Variants in FRMPD4 observed in about 807,000 individuals in gnomAD.
FRMPD4 encodes FERM and PDZ domain containing 4.
Under a neutral mutation model 94.1 loss-of-function variants are expected in FRMPD4, and 22 were observed. The observed-to-expected ratio is 0.23, with a 90% CI of 0.17 to 0.33. FRMPD4 has a LOEUF of 0.33. Among genes scored for constraint, FRMPD4 ranks in the 10% least tolerant of loss-of-function variants. The probability of loss-of-function intolerance (pLI) is 1.00; values close to 1 mark genes in which losing one functional copy is unlikely to be tolerated. For missense variants in FRMPD4, 1,111 were observed against 1,339.9 expected (o/e 0.83, Z 2.67); for synonymous variants, 631 against 548.6 (o/e 1.15, Z -2.10).
At chrX:12,342,326 A>G (rs1454783188) in intron 1 of FRMPD4, among the ~76,000 whole-genome samples, 1 of 112,251 alleles carries the variant, frequency 8.9e-6, no homozygotes, top group African/African-American at 3.2e-5. Context: ...AGCTCTGTAC[A>G]CATAGTGTAC....
intron 16 of FRMPD4, among the ~76,000 whole-genome samples, chrX:12,720,082 GAGAA>G (rs1389811965): frequency 7.4e-5 from 7 of 95,033 alleles, no homozygotes; most frequent in Non-Finnish European, 1.3e-4. Flanking sequence ...AAGAAAGAAA[GAGAA>G]AGAAAGAAAG....
At chrX:12,445,522 C>T (rs2057184722) in intron 1 of FRMPD4, among the ~76,000 whole-genome samples, 1 of 112,719 alleles carries the variant, frequency 8.9e-6, no homozygotes, top group Admixed American at 9.4e-5. Context: ...ATAAGACACT[C>T]TTCTAGCACC....
At chrX:12,620,707 A>G (rs2059280098) in intron 4 of FRMPD4, among the ~76,000 whole-genome samples, 1 of 112,409 alleles carries the variant, frequency 8.9e-6, no homozygotes, top group Non-Finnish European at 1.9e-5. Flanking sequence ...GCTCTACTGT[A>G]ATTGCAGAGG....
chrX:12,529,786 G>A (rs920810582), intron 2 of FRMPD4, among the ~76,000 whole-genome samples: 1 of 110,419 alleles, frequency 9.1e-6, no homozygotes, highest in African/African-American at 3.3e-5. Flanking sequence ...CAAACTTAAT[G>A]TGTTCTAGTC....
intron 3 of FRMPD4, among the ~76,000 whole-genome samples, chrX:12,082,784 C>T (rs111301640): frequency 0.079 from 8,795 of 111,275 alleles, 637 homozygotes; most frequent in African/African-American, 0.23. Flanking sequence ...ATGACTCTTG[C>T]TATGTTTTAG....
At chrX:12,258,927 A>G (rs1339987298) in intron 1 of FRMPD4, among the ~76,000 whole-genome samples, 1 of 111,360 alleles carries the variant, frequency 9.0e-6, no homozygotes, top group Non-Finnish European at 1.9e-5. Context: ...ATCTAAGTGT[A>G]TTTTTATACC....
rs777963035 is a variant in FRMPD4, at chrX:11,926,260, A to C, written c.95+48242A>C. On this transcript the variant is annotated intron_variant, in intron 3 of 18. Transcript: ENST00000640291. ...GTAATAATAAAAAGCTTACCAACCA[A>C]AAAAAAAAAAAAAAAAAAAAAAGCC... Among the ~76,000 whole-genome samples, 57 of 80,371 alleles carry C rather than the reference A, an allele frequency of 7.1e-4. 1 individual carries two copies. The highest frequency in any genetic ancestry group is 2.2e-3 in the African/African-American group (56 of 25,048). The allele number at this position is 80,371 out of a possible 115,157, so 69.8% of individuals were successfully genotyped here. A position where few individuals can be genotyped will look rare whatever the true frequency, so the allele number is the denominator to read the frequency against.
At chrX:12,481,409 C>G (rs1480625274) in intron 1 of FRMPD4, among the ~76,000 whole-genome samples, 1 of 111,161 alleles carries the variant, frequency 9.0e-6, no homozygotes, top group Non-Finnish European at 1.9e-5. Context: ...AACATGTAAG[C>G]AAATACTTTT....
At chrX:12,644,430 C>G (rs892518107) in intron 4 of FRMPD4, among the ~76,000 whole-genome samples, 8 of 111,641 alleles carry the variant, frequency 7.2e-5, no homozygotes, top group African/African-American at 2.6e-4. Flanking sequence ...GCTCTTGTCA[C>G]CGTAGCATTC....
rs1189999425 is a variant in FRMPD4, at chrX:12,331,876, A to G, written c.42-166804A>G. ...TATAAATTATATATATTTATATACT[A>G]TATATAAATTATATATATTTATATA... is the stretch of plus-strand genomic sequence containing the variant. On this transcript the variant is annotated intron_variant, in intron 1 of 16. Transcript: ENST00000675598. Among the ~76,000 whole-genome samples the G allele has an allele frequency of 1.9e-4, 9 of 48,514 alleles. No homozygotes were observed. In the East Asian group the frequency reaches 7.2e-3, roughly 39 times the overall value. 42.1% of individuals were successfully genotyped at this position (48,514 alleles called of 115,157 possible). A position where few individuals can be genotyped will look rare whatever the true frequency, so the allele number is the denominator to read the frequency against.
At chrX:11,892,089 G>A (rs1446730500) in intron 3 of FRMPD4, among the ~76,000 whole-genome samples, 1 of 112,342 alleles carries the variant, frequency 8.9e-6, no homozygotes, top group East Asian at 2.8e-4. Context: ...GTGTACATAT[G>A]TTTAGGAGGT....
At chrX:12,605,716 C>G (rs72612892) in intron 2 of FRMPD4, among the ~76,000 whole-genome samples, 113 of 110,946 alleles carry the variant, frequency 1.0e-3, no homozygotes, top group Admixed American at 8.0e-3. Flanking sequence ...GCCTCAGGAC[C>G]TTTGTGCTTC....
At chrX:12,550,482 G>C (rs990574202) in intron 2 of FRMPD4, among the ~76,000 whole-genome samples, 3 of 111,487 alleles carry the variant, frequency 2.7e-5, no homozygotes, top group African/African-American at 9.7e-5. Flanking sequence ...CCAGGAAAGA[G>C]TGTAATGATT....
At chrX:11,887,811 G>A (rs1174305802) in intron 3 of FRMPD4, among the ~76,000 whole-genome samples, 1 of 111,730 alleles carries the variant, frequency 9.0e-6, no homozygotes, top group African/African-American at 3.3e-5. Context: ...TTTAAAATGG[G>A]TGTTATTCTG....
intron 1 of FRMPD4, among the ~76,000 whole-genome samples, chrX:11,846,101 C>A (rs2053575090): frequency 9.3e-6 from 1 of 107,923 alleles, no homozygotes; most frequent in Non-Finnish European, 1.9e-5. Flanking sequence ...TCCCTGTTTG[C>A]AGATGACATG....
intron 3 of FRMPD4, among the ~76,000 whole-genome samples, chrX:12,027,142 C>G (rs1006592155): frequency 8.9e-6 from 1 of 112,200 alleles, no homozygotes; most frequent in African/African-American, 3.2e-5. Flanking sequence ...ACTTAGAGTT[C>G]TGCTTCCTTT....
intron 1 of FRMPD4, among the ~76,000 whole-genome samples, chrX:12,300,899 G>A (rs1051503155): frequency 1.4e-4 from 16 of 111,306 alleles, no homozygotes; most frequent in Non-Finnish European, 3.8e-5. Context: ...CAGTTCAGTT[G>A]CCTCCTTCCA....
At chrX:12,086,075 G>A (rs2055107371) in intron 3 of FRMPD4, among the ~76,000 whole-genome samples, 1 of 55,872 alleles carries the variant, frequency 1.8e-5, no homozygotes, top group African/African-American at 5.6e-5. Flanking sequence ...CTGTGTCTGT[G>A]TGCGTGTGTG....
At chrX:12,170,517 G>T (rs911630644) in intron 1 of FRMPD4, among the ~76,000 whole-genome samples, 1 of 112,083 alleles carries the variant, frequency 8.9e-6, no homozygotes, top group African/African-American at 3.2e-5. Context: ...TTATGTTCCA[G>T]CAGGTCTTAC....
Sources: gnomAD v4.1 joint callset for allele counts (sites outside exome capture counted in the v4.1 genomes callset) on GRCh38, gnomAD v4.1.1 for gene constraint, MANE v1.5 for transcripts, NCBI Gene and HGNC (gene_info 2026-07-23, HGNC 2026-07-21) for gene names.